The following THSD7B variants were observed in gnomAD, a reference collection of about 807,000 sequenced individuals.
THSD7B encodes thrombospondin type-1 domain-containing protein 7B.
In THSD7B, 138 loss-of-function variants were observed where a neutral mutation model predicts 213.6. The ratio of observed to expected loss-of-function variants is 0.65; its 90% confidence interval spans 0.56 to 0.74. The LOEUF (loss-of-function observed/expected upper bound fraction) is 0.74. Among genes scored for constraint, THSD7B ranks in the 30% least tolerant of loss-of-function variants. The pLI is 0.00. For missense variants in THSD7B, 1,931 were observed against 1,991.5 expected, an observed-to-expected ratio of 0.97 and a Z score of 0.58; for synonymous variants, 742 against 687.0, an observed-to-expected ratio of 1.08 and a Z score of -1.25.
At chr2:136,800,883 T>A (rs1333287888) in intron 1 of THSD7B, among the ~76,000 whole-genome samples, 1 of 152,050 alleles carries the variant, frequency 6.6e-6, no homozygotes, top group East Asian at 1.9e-4. Context: ...AGACTTACTT[T>A]CTTTTTTTAT....
intron 15 of THSD7B, among the ~76,000 whole-genome samples, chr2:137,453,975 T>C (rs1687708626): frequency 1.3e-5 from 2 of 152,162 alleles, no homozygotes; most frequent in South Asian, 4.1e-4. Context: ...TATCCCATTG[T>C]GTATCTATAT....
intron 10 of THSD7B, among the ~76,000 whole-genome samples, chr2:137,249,450 G>A (rs1242643459): frequency 1.3e-5 from 2 of 152,144 alleles, no homozygotes; most frequent in African/African-American, 4.8e-5. Flanking sequence ...CTCCTTCAAA[G>A]AAATGTTAAT....
intron 1 of THSD7B, among the ~76,000 whole-genome samples, chr2:136,879,814 T>A (rs1683589308): frequency 6.6e-6 from 1 of 152,052 alleles, no homozygotes; most frequent in African/African-American, 2.4e-5. Flanking sequence ...GGGGTTGCAA[T>A]CCTAGTCTCT....
intron 14 of THSD7B, among the ~76,000 whole-genome samples, chr2:137,439,299 T>C (rs1230099454): frequency 6.6e-6 from 1 of 152,102 alleles, no homozygotes; most frequent in African/African-American, 2.4e-5. Flanking sequence ...TTTGATGCTT[T>C]TTTCTGGTTT....
At chr2:137,026,050 G>T (rs1686548391) in intron 2 of THSD7B, among the ~76,000 whole-genome samples, 1 of 152,050 alleles carries the variant, frequency 6.6e-6, no homozygotes, top group Admixed American at 6.6e-5. Flanking sequence ...AGGTCCACAT[G>T]TTTTTTCTTG....
At chr2:137,061,190 C>T (rs1687263553) in intron 3 of THSD7B, among the ~76,000 whole-genome samples, 1 of 151,082 alleles carries the variant, frequency 6.6e-6, no homozygotes, top group African/African-American at 2.4e-5. Flanking sequence ...TTATATTAAC[C>T]TTGCATCCTG....
intron 7 of THSD7B, among the ~76,000 whole-genome samples, chr2:137,211,133 G>A (rs996884417): frequency 4.0e-5 from 6 of 151,776 alleles, no homozygotes; most frequent in East Asian, 3.9e-4. Flanking sequence ...AGGTATCGGC[G>A]TGACCTCAAA....
At chr2:137,195,537 T>C (rs1463197131) in intron 7 of THSD7B, among the ~76,000 whole-genome samples, 1 of 152,108 alleles carries the variant, frequency 6.6e-6, no homozygotes, top group Non-Finnish European at 1.5e-5. Context: ...AGAATGCAGG[T>C]CCACTTTGAA....
At position 137,411,755 on chromosome 2, in the gene THSD7B, C is replaced by A. The variant is rs1284002988; in HGVS notation, c.2842C>A (p.Arg948=). ...TCCAGAAGGCAGAAGGGAGCCTCAC[C>A]GAGGACTGCGGGTACAAGCAGACAG... is the stretch of plus-strand genomic sequence containing the variant. ...ILPEGRREPH[R]GLRVQADSKE... is the part of the protein sequence containing the mutation. Residue 948 remains arginine, a synonymous_variant, in exon 14 of 28, where the codon CGA becomes AGA. Transcript: ENST00000409968. 2 of 1,613,896 alleles carry A rather than the reference C, an allele frequency of 1.2e-6. No homozygotes were observed. Among genetic ancestry groups the A allele is most frequent in the African/African-American group, 1.3e-5 (1 of 75,014 alleles).
intron 21 of THSD7B, among the ~76,000 whole-genome samples, chr2:137,653,516 C>T (rs766706523): frequency 6.0e-5 from 9 of 151,162 alleles, no homozygotes; most frequent in Non-Finnish European, 8.8e-5. Context: ...AATATGTTTT[C>T]GACGCTTTGC....
At chr2:136,873,971 A>G (rs529482530) in intron 1 of THSD7B, among the ~76,000 whole-genome samples, 35 of 152,182 alleles carry the variant, frequency 2.3e-4, no homozygotes, top group Admixed American at 6.5e-4. Flanking sequence ...TGGAATATTG[A>G]TTTAACACCC....
intron 7 of THSD7B, among the ~76,000 whole-genome samples, chr2:137,217,815 T>G (rs1316068209): frequency 6.6e-6 from 1 of 152,116 alleles, no homozygotes; most frequent in Non-Finnish European, 1.5e-5. Flanking sequence ...CAGAAATACA[T>G]AAGATACATC....
chr2:137,400,120 T>C (rs1229623521), intron 12 of THSD7B, among the ~76,000 whole-genome samples: 2 of 152,200 alleles, frequency 1.3e-5, no homozygotes, highest in African/African-American at 4.8e-5. Context: ...TTTTTTGTCT[T>C]AGTTTTTGTC....
intron 2 of THSD7B, among the ~76,000 whole-genome samples, chr2:136,943,136 A>G (rs1684862476): frequency 6.6e-6 from 1 of 152,182 alleles, no homozygotes; most frequent in South Asian, 2.1e-4. Context: ...TACTGAGATA[A>G]TCATGTGGTT....
At chr2:136,902,798 T>C (rs2105013978) in intron 2 of THSD7B, among the ~76,000 whole-genome samples, 1 of 152,330 alleles carries the variant, frequency 6.6e-6, no homozygotes, top group Non-Finnish European at 1.5e-5. Context: ...TGAACTGTCA[T>C]TGGATACAAA....
At chr2:136,963,766 G>C (rs1685270518) in intron 2 of THSD7B, among the ~76,000 whole-genome samples, 1 of 152,228 alleles carries the variant, frequency 6.6e-6, no homozygotes, top group Admixed American at 6.5e-5. Context: ...TGGGTTGAGA[G>C]AGTTACTGAG....
intron 1 of THSD7B, among the ~76,000 whole-genome samples, chr2:136,839,420 A>G (rs1344352279): frequency 6.6e-6 from 1 of 152,256 alleles, no homozygotes; most frequent in Non-Finnish European, 1.5e-5. Flanking sequence ...TCAGAGTTCA[A>G]CATGGTTAGT....
At chr2:137,551,711 T>G (rs1680851825) in intron 15 of THSD7B, among the ~76,000 whole-genome samples, 1 of 152,200 alleles carries the variant, frequency 6.6e-6, no homozygotes, top group African/African-American at 2.4e-5. Context: ...TGAGAACACA[T>G]AATGCATATT....
At chr2:136,981,524 C>T (rs886094952) in intron 2 of THSD7B, among the ~76,000 whole-genome samples, 5 of 152,152 alleles carry the variant, frequency 3.3e-5, no homozygotes, top group African/African-American at 4.8e-5. Flanking sequence ...AGCCATCCCT[C>T]CCTCTGTGCT....
Sources: gnomAD v4.1 joint callset for allele counts (sites outside exome capture counted in the v4.1 genomes callset) on GRCh38, gnomAD v4.1.1 for gene constraint, MANE v1.5 for transcripts, NCBI Gene and HGNC (gene_info 2026-07-23, HGNC 2026-07-21) for gene names.